The following TEX9 variants were observed in gnomAD, a reference collection of about 807,000 sequenced individuals.
The protein encoded by TEX9 is testis-expressed protein 9.
Under a neutral mutation model 59.6 loss-of-function variants are expected in TEX9, and 74 were observed. The observed-to-expected ratio is 1.24, with a 90% CI of 1.03 to 1.51. The LOEUF (loss-of-function observed/expected upper bound fraction) is 1.51. TEX9 is among the 40% of genes most tolerant of loss of function. The pLI is 0.00. For missense variants in TEX9, 522 were observed against 447.8 expected (o/e 1.17, Z -1.49); for synonymous variants, 186 against 152.2 (o/e 1.22, Z -1.64).
At chr15:56,261,045 A>G (rs1323689790) in intron 1 of TEX9, among the ~76,000 whole-genome samples, 3 of 151,838 alleles carry the variant, frequency 2.0e-5, no homozygotes, top group Non-Finnish European at 4.4e-5. Flanking sequence ...TTTCTGATTT[A>G]TCTTTTTAGT....
chr15:56,314,999 C>T (rs1299957675), intron 1 of TEX9, among the ~76,000 whole-genome samples: 5 of 151,008 alleles, frequency 3.3e-5, no homozygotes, highest in Admixed American at 3.3e-4. Flanking sequence ...TTTCCATTTG[C>T]TTGGTAGATC....
At chr15:56,427,575 A>T (rs765302209) in intron 10 of TEX9, 30 bp from the exon 11 acceptor site, 2 of 1,430,562 alleles carry the variant, frequency 1.4e-6, no homozygotes, top group South Asian at 2.9e-5. Flanking sequence ...GTATATTAAA[A>T]ATATATGGCA....
intron 1 of TEX9, among the ~76,000 whole-genome samples, chr15:56,253,091 C>T (rs72740514): frequency 0.13 from 19,515 of 152,030 alleles, 1,632 homozygotes; most frequent in East Asian, 0.43. Flanking sequence ...CTAGTTTTTA[C>T]ATGCCACTAC....
intron 12 of TEX9, chr15:56,444,400 TA>T: frequency 6.5e-7 from 1 of 1,527,498 alleles, no homozygotes. Context: ...GTGATATATC[TA>T]AAGTAAACAT....
chr15:56,288,713 G>A (rs959532057), intron 1 of TEX9, among the ~76,000 whole-genome samples: 1 of 152,084 alleles, frequency 6.6e-6, no homozygotes, highest in East Asian at 1.9e-4. Context: ...ATGTCTTGGT[G>A]TAGTCTTGTT....
chr15:56,253,234 A>C (rs1218711428), intron 1 of TEX9, among the ~76,000 whole-genome samples: 2 of 152,162 alleles, frequency 1.3e-5, no homozygotes, highest in African/African-American at 4.8e-5. Flanking sequence ...CACAAAGCAG[A>C]TAGGGAAAGA....
At chr15:56,334,043 T>C (rs1395994278) in intron 1 of TEX9, among the ~76,000 whole-genome samples, 2 of 152,144 alleles carry the variant, frequency 1.3e-5, no homozygotes, top group Non-Finnish European at 2.9e-5. Flanking sequence ...ATATTTCATG[T>C]TTATAAATTG....
intron 1 of TEX9, among the ~76,000 whole-genome samples, chr15:56,260,324 C>T (rs1184663761): frequency 1.3e-5 from 2 of 151,932 alleles, no homozygotes; most frequent in Admixed American, 6.6e-5. Flanking sequence ...AGGAAGAAAG[C>T]ATTCCATATT....
intron 2 of TEX9, 78 bp from the exon 3 acceptor site, chr15:56,373,363 G>C (rs2047277772): frequency 7.4e-7 from 1 of 1,360,326 alleles, no homozygotes; most frequent in African/African-American, 1.5e-5. Context: ...TACGTCACTT[G>C]ATAACGTGTA....
At chr15:56,407,041 A>G (rs532616084) in intron 9 of TEX9, among the ~76,000 whole-genome samples, 77 of 152,132 alleles carry the variant, frequency 5.1e-4, no homozygotes, top group African/African-American at 1.0e-3. Flanking sequence ...CTCCAAAGTC[A>G]TGAGACTTTT....
intron 1 of TEX9, among the ~76,000 whole-genome samples, chr15:56,245,337 G>A (rs2043823522): frequency 6.6e-6 from 1 of 152,178 alleles, no homozygotes; most frequent in African/African-American, 2.4e-5. Context: ...GAACACCTGT[G>A]TGCAAAATAA....
intron 1 of TEX9, among the ~76,000 whole-genome samples, chr15:56,333,560 T>C (rs1372712157): frequency 6.7e-6 from 1 of 149,994 alleles, no homozygotes; most frequent in African/African-American, 2.4e-5. Flanking sequence ...GAACCATAGA[T>C]AGTATATCAC....
intron 1 of TEX9, chr15:56,323,103 A>G (rs2045939730): frequency 4.8e-6 from 1 of 209,946 alleles, no homozygotes; most frequent in Non-Finnish European, 1.0e-5. Context: ...TTGAGAAAAA[A>G]TAACTAACCA....
intron 12 of TEX9, among the ~76,000 whole-genome samples, chr15:56,441,381 A>G (rs2050811644): frequency 6.6e-6 from 1 of 152,138 alleles, no homozygotes; most frequent in African/African-American, 2.4e-5. Flanking sequence ...AGTATTCTCT[A>G]AATGTCAGGT....
At chr15:56,266,432 CGTT>C in intron 1 of TEX9, among the ~76,000 whole-genome samples, 1 of 151,714 alleles carries the variant, frequency 6.6e-6, no homozygotes, top group East Asian at 1.9e-4. Context: ...CTCACTAACT[CGTT>C]GTTTACTTTA....
chr15:56,375,444 A>C (rs866109585), intron 3 of TEX9, among the ~76,000 whole-genome samples: 19 of 151,428 alleles, frequency 1.3e-4, no homozygotes, highest in South Asian at 4.2e-4. Context: ...GGTTGCGAAA[A>C]TTTTCTCCCA....
chr15:56,260,756 CAA>C (rs540830840), intron 1 of TEX9, among the ~76,000 whole-genome samples: 1 of 151,606 alleles, frequency 6.6e-6, no homozygotes, highest in African/African-American at 2.4e-5. Flanking sequence ...GTTCTAGCCT[CAA>C]AAAAATGAAT....
chr15:56,254,160 CAG>C (rs2044092103), intron 1 of TEX9, among the ~76,000 whole-genome samples: 1 of 151,970 alleles, frequency 6.6e-6, no homozygotes, highest in African/African-American at 2.4e-5. Context: ...GGTAACAGGA[CAG>C]GGGACAAGAA....
chr15:56,396,346 A>C (rs1251743451), intron 9 of TEX9: 1 of 152,150 alleles, frequency 6.6e-6, no homozygotes, highest in East Asian at 1.9e-4. Flanking sequence ...TTTTTAGTGT[A>C]CAATTCTATG....
Sources: allele counts gnomAD v4.1 joint callset (sites outside exome capture counted in the v4.1 genomes callset), GRCh38; gene constraint gnomAD v4.1.1; transcripts MANE v1.5; gene names NCBI Gene and HGNC (gene_info 2026-07-23, HGNC 2026-07-21).